The following CNTNAP1 variants were observed in gnomAD, a reference collection of about 807,000 sequenced individuals.
The protein encoded by CNTNAP1 is contactin associated protein 1.
In CNTNAP1, 80 loss-of-function variants were observed where a neutral mutation model predicts 161.5. The observed-to-expected ratio is 0.50, with a 90% CI of 0.41 to 0.60. CNTNAP1 has a LOEUF of 0.60. CNTNAP1 is among the 20% of genes least tolerant of loss of function. The probability of loss-of-function intolerance (pLI) is 0.00; values close to 1 mark genes in which losing one functional copy is unlikely to be tolerated. For missense variants in CNTNAP1, 1,464 were observed against 1,854.8 expected, an observed-to-expected ratio of 0.79 and a Z score of 3.87; for synonymous variants, 695 against 733.1, an observed-to-expected ratio of 0.95 and a Z score of 0.84.
intron 17 of CNTNAP1, 103 bp downstream of exon 17, chr17:42,692,823 C>A: frequency 9.7e-7 from 1 of 1,028,686 alleles, no homozygotes. Context: ...GTGCCAGTCC[C>A]CTCTGCTTCA....
Position 42,685,104 on chromosome 17 carries a change from C to A in CNTNAP1, c.477C>A (p.Ile159=). The stretch of plus-strand genomic sequence containing the variant: ...TGGCCTGGAACCCACGCGGCAAGAT[C>A]GGCCTGAGGCTCGGCCTCTATGGCT... The part of the protein sequence containing the change: ...VPLAWNPRGK[I]GLRLGLYGCP... Residue 159 remains isoleucine (I), a synonymous_variant, in exon 4 of 24, where the codon ATC becomes ATA. Transcript: ENST00000264638. The surrounding 1 kb of genome is among the most constrained non-coding windows in gnomAD (Gnocchi z 5.0). 6 of 1,579,484 alleles carry A rather than the reference C, an allele frequency of 3.8e-6. No homozygotes were observed. The highest frequency in any genetic ancestry group is 5.2e-6 in the Non-Finnish European group (6 of 1,161,582).
In CNTNAP1 at chr17:42,688,915, A is replaced by G; in HGVS notation, c.1496A>G (p.Asn499Ser). Residue 499 changes from asparagine (N) to serine (S), a missense_variant, in exon 10 of 24, where the codon AAC becomes AGC. By Grantham distance (46) the Asn-to-Ser change is conservative. Transcript: ENST00000264638. ...KPASRWDCHSNQTAFHGCMEL... is the reference protein window; with the variant it reads ...KPASRWDCHSSQTAFHGCMEL... ...GCCAGTCGATGGGACTGCCACTCCA[A>G]CCAGACGGCATTCCATGGCTGCATG... The G allele has an allele frequency of 6.2e-7, 1 of 1,614,046 alleles. No homozygotes were observed. The highest frequency in any genetic ancestry group is 8.5e-7 in the Non-Finnish European group (1 of 1,179,974).
chr17:42,691,815 G>A lies in CNTNAP1; in HGVS notation c.2354G>A (p.Trp785Ter). The A allele has an allele frequency of 6.2e-7, 1 of 1,613,766 alleles. No individual in the cohort carries two copies. Among genetic ancestry groups the A allele is most frequent in the Non-Finnish European group, 8.5e-7 (1 of 1,179,922 alleles). Residue 785 changes from tryptophan to a stop codon, truncating the protein, a stop_gained, in exon 16 of 24, where the codon TGG becomes TAG. Transcript: ENST00000264638. LOFTEE classifies it high-confidence loss of function. The surrounding 1 kb of genome is among the most constrained non-coding windows in gnomAD (Gnocchi z 4.3). ...CCATCTGCTTTTCTAGGAAATTCCT[G>A]GAACACCATTTCCTTCCACACCGGG... ...PLRCYGDRNS[W>*]NTISFHTGAA...
intron 17 of CNTNAP1, among the ~76,000 whole-genome samples, 177 bp downstream of exon 17, chr17:42,692,897 C>T (rs1038798987): frequency 3.9e-5 from 6 of 152,156 alleles, no homozygotes; most frequent in Admixed American, 2.0e-4. Flanking sequence ...TTCCAGCCCT[C>T]TTGGCTCCCT....
rs1256447488 is a variant in CNTNAP1 at position 42,698,719 on chromosome 17, G to T, written c.3964G>T (p.Ala1322Ser). 6.2e-7 allele frequency: 1 copy of T among 1,613,410 alleles called. No individual in the cohort carries two copies. The highest frequency in any genetic ancestry group is 1.1e-5 in the South Asian group (1 of 91,068). The change falls in exon 24 of 24, where the codon GCT becomes TCT. Residue 1322 changes from alanine to serine, a missense_variant. Transcript: ENST00000264638. ...CTCCTACCATACCAATGAGCCCAAG[G>T]CTGCCCACGAGTACCATCCTGGCAG... ...KGSYHTNEPK[A>S]AHEYHPGSKP...
At position 42,685,096 on chromosome 17, in the gene CNTNAP1, G is replaced by A; in HGVS notation, c.469G>A (p.Gly157Ser). ...CGTGCCCCTGGCCTGGAACCCACGC[G>A]GCAAGATCGGCCTGAGGCTCGGCCT... ...RIVPLAWNPR[G>S]KIGLRLGLYG... is the part of the protein sequence containing the mutation. Residue 157 changes from glycine to serine, a missense_variant, in exon 4 of 24, where the codon GGC becomes AGC. Physicochemically the swap from Gly to Ser is moderately conservative, Grantham distance 56. Transcript: ENST00000264638. This position sits in a 1 kb window ranked among gnomAD's most constrained non-coding sequence, Gnocchi z 5.0. 3.2e-6 allele frequency: 5 copies of A among 1,578,888 alleles called. No homozygotes were observed. Among genetic ancestry groups the A allele is most frequent in the Non-Finnish European group, 4.3e-6 (5 of 1,161,402 alleles).
chr17:42,690,236 G>A (rs2053067687), intron 12 of CNTNAP1, 29 bp downstream of exon 12: 2 of 1,613,056 alleles, frequency 1.2e-6, no homozygotes, highest in East Asian at 2.2e-5. Flanking sequence ...TGGTGAGGGG[G>A]TGAGGGGAGA....
At chr17:42,683,281 T>A (rs1219729347) in intron 1 of CNTNAP1, 1 of 947,974 alleles carries the variant, frequency 1.1e-6, no homozygotes, top group African/African-American at 1.8e-5. Context: ...GGTTTGTGGC[T>A]AGGGCTGGGG....
At position 42,687,644 on chromosome 17, in the gene CNTNAP1, C is replaced by T. The variant is rs2053034008; in HGVS notation, c.1045-76C>T. 3 of 1,559,574 alleles carry T rather than the reference C, an allele frequency of 1.9e-6. No individual in the cohort carries two copies. In the South Asian group the frequency reaches 3.6e-5, roughly 19 times the overall value. Reference sequence around the variant, plus strand: ...GGAGGGCGGTGACCAGGGTCTTAGACCGGTGTGAAAACTGAATTCCCAGCT... The same window carrying T: ...GGAGGGCGGTGACCAGGGTCTTAGATCGGTGTGAAAACTGAATTCCCAGCT... On this transcript the variant is annotated intron_variant, in intron 7 of 23. Transcript: ENST00000264638. This position sits in a 1 kb window ranked among gnomAD's most constrained non-coding sequence, Gnocchi z 4.7.
Position 42,689,550 on chromosome 17 carries a change from G to C in CNTNAP1, c.1658G>C (p.Gly553Ala). The C allele has an allele frequency of 1.2e-6, 2 of 1,613,782 alleles. No individual in the cohort carries two copies. Among genetic ancestry groups the C allele is most frequent in the Non-Finnish European group, 1.7e-6 (2 of 1,179,850 alleles). The part of the protein sequence containing the change: ...RCSPNMCEHD[G>A]RCYQSWDDFI... ...AGCCCTAACATGTGTGAGCATGATG[G>C]ACGCTGCTACCAGTCTTGGGATGAC... is the stretch of plus-strand genomic sequence containing the variant. Residue 553 changes from glycine (G) to alanine (A), a missense_variant, in exon 11 of 24, where the codon GGA becomes GCA. Coordinates refer to ENST00000264638, the MANE Select transcript of CNTNAP1 (RefSeq NM_003632.3).
Position 42,685,452 on chromosome 17 carries a change from C to T in CNTNAP1, c.715+32C>T. On this transcript the variant is annotated intron_variant, in intron 5 of 23. Transcript: ENST00000264638. This position sits in a 1 kb window ranked among gnomAD's most constrained non-coding sequence, Gnocchi z 5.0. ...TCGGCGACCATGTGCGATGCGGAGCCAACCCCTGAAGCTCTCTCACCGCCC... is the reference window on the plus strand; with the variant it reads ...TCGGCGACCATGTGCGATGCGGAGCTAACCCCTGAAGCTCTCTCACCGCCC... The T allele has an allele frequency of 6.3e-7, 1 of 1,579,892 alleles. No individual in the cohort carries two copies. Among genetic ancestry groups the T allele is most frequent in the East Asian group, 2.3e-5 (1 of 44,140 alleles).
Position 42,692,698 on chromosome 17 carries a change from G to A in CNTNAP1, c.2730G>A (p.Glu910=), listed in dbSNP as rs959851688. The A allele has an allele frequency of 1.9e-6, 3 of 1,612,100 alleles. No individual in the cohort carries two copies. The highest frequency in any genetic ancestry group is 1.7e-6 in the Non-Finnish European group (2 of 1,178,470). ...PMPLQTYIWM[E]YDQPLYVGSA... ...CACTGCAGACCTACATCTGGATGGA[G>A]TATGACCAGCCCCTCTATGTGGGTA... is the stretch of plus-strand genomic sequence containing the variant. Residue 910 remains glutamate, a synonymous_variant, in exon 17 of 24, where the codon GAG becomes GAA. Transcript: ENST00000264638.
In CNTNAP1 at chr17:42,695,683, A is replaced by C. The variant is rs1197872888; in HGVS notation, c.3155A>C (p.Tyr1052Ser). ...GATACTCCGGGCTATGTGCCTGGCT[A>C]CCATGGCCCCGGGTACCGCCTGCCC... is the stretch of plus-strand genomic sequence containing the variant. ...GYDTPGYVPG[Y>S]HGPGYRLPDY... The change falls in exon 19 of 24, where the codon TAC becomes TCC. Residue 1052 changes from tyrosine (Y) to serine (S), a missense_variant. Tyr to Ser is a moderately radical substitution (Grantham distance 144, BLOSUM62 -2). Around this residue, in one of 3 missense-constraint regions of CNTNAP1, gnomAD observed 1,383 missense variants for 1,765.0 expected, o/e 0.78. Coordinates refer to ENST00000264638, the MANE Select transcript of CNTNAP1 (RefSeq NM_003632.3). 1 of 1,614,030 alleles carries C rather than the reference A, an allele frequency of 6.2e-7. No homozygotes were observed. The highest frequency in any genetic ancestry group is 8.5e-7 in the Non-Finnish European group (1 of 1,180,042).
chr17:42,686,860 C>T, intron 6 of CNTNAP1, 43 bp from the exon 7 acceptor site: 1 of 1,551,974 alleles, frequency 6.4e-7, no homozygotes, highest in Non-Finnish European at 8.7e-7. Flanking sequence ...AAGGCAGGCG[C>T]CCTCCTGTGC....
At position 42,685,829 on chromosome 17, in the gene CNTNAP1, T is replaced by C. The variant is rs150041097; in HGVS notation, c.716-128T>C. Reference sequence around the variant, plus strand: ...ACCCTGTCACACACTCGCCAATGGCTGTTGATCTATTCGCCCACTCTCCCT... The same window carrying C: ...ACCCTGTCACACACTCGCCAATGGCCGTTGATCTATTCGCCCACTCTCCCT... On this transcript the variant is annotated intron_variant, in intron 5 of 23. Transcript: ENST00000264638. The surrounding 1 kb of genome is among the most constrained non-coding windows in gnomAD (Gnocchi z 5.0). 126 of 943,898 alleles carry C rather than the reference T, an allele frequency of 1.3e-4. No homozygotes were observed. In the East Asian group the frequency reaches 3.2e-3, roughly 24 times the overall value. The allele number at this position is 943,898 out of a possible 1,614,324, so 58.5% of individuals were successfully genotyped here. A position where few individuals can be genotyped will look rare whatever the true frequency, so the allele number is the denominator to read the frequency against.
In CNTNAP1 at chr17:42,686,146, G is replaced by A; in HGVS notation, c.900+5G>A. 1 of 1,613,814 alleles carries A rather than the reference G, an allele frequency of 6.2e-7. No individual in the cohort carries two copies. Among genetic ancestry groups the A allele is most frequent in the South Asian group, 1.1e-5 (1 of 91,072 alleles). On this transcript the variant is annotated splice_donor_5th_base_variant and intron_variant, in intron 6 of 23. Transcript: ENST00000264638. The stretch of plus-strand genomic sequence containing the variant: ...AGGCTGAACCTGGACACTGAGGTGA[G>A]AGACTAGGGAGGTGCTATTTCGTGG...
intron 8 of CNTNAP1, among the ~76,000 whole-genome samples, chr17:42,688,239 G>A (rs2053042999): frequency 6.6e-6 from 1 of 152,200 alleles, no homozygotes; most frequent in African/African-American, 2.4e-5. Context: ...GGCCCCTGGA[G>A]ATTTGGTTAC....
rs929477066 is a variant in CNTNAP1 at position 42,698,827 on chromosome 17, G to A, written c.4072G>A (p.Ala1358Thr). The change falls in exon 24 of 24, where the codon GCC becomes ACC. Residue 1358 changes from alanine to threonine, a missense_variant. Physicochemically the swap from Ala to Thr is moderately conservative, Grantham distance 58. This residue lies in a region of CNTNAP1 where 1,383 missense variants were observed against 1,765.0 expected (regional missense o/e 0.78). Transcript: ENST00000264638. ...APNQAPASAPAPAPTPAPAPG... is the reference protein window; with the variant it reads ...APNQAPASAPTPAPTPAPAPG... Reference sequence around the variant, plus strand: ...CAACCAAGCTCCAGCCTCAGCCCCAGCCCCAGCCCCAACTCCAGCCCCAGC... The same window carrying A: ...CAACCAAGCTCCAGCCTCAGCCCCAACCCCAGCCCCAACTCCAGCCCCAGC... 3 of 1,598,832 alleles carry A rather than the reference G, an allele frequency of 1.9e-6. No homozygotes were observed. Among genetic ancestry groups the A allele is most frequent in the African/African-American group, 1.4e-5 (1 of 73,634 alleles).
rs999430964 is a variant in CNTNAP1, at chr17:42,690,020, C to T, written c.1736-68C>T. The T allele has an allele frequency of 4.4e-6, 7 of 1,582,448 alleles. No individual in the cohort carries two copies. In the African/African-American group the frequency reaches 9.4e-5, roughly 21 times the overall value. On this transcript the variant is annotated intron_variant, in intron 11 of 23. Transcript: ENST00000264638. ...CTCCCAAAGTGCTGGGATTACAGGC[C>T]CGAGCCGCCGCACCTGGCCAGCCCT...
Sources: gnomAD v4.1 joint callset for allele counts (sites outside exome capture counted in the v4.1 genomes callset) on GRCh38, gnomAD v4.1.1 for gene constraint, gnomAD v4.1.1 regional missense constraint, Gnocchi (gnomAD v3.1) non-coding constraint, MANE v1.5 for transcripts, NCBI Gene and HGNC (gene_info 2026-07-23, HGNC 2026-07-21) for gene names.